RTN1: variants seen among roughly 807,000 people sequenced by gnomAD.
The protein encoded by RTN1 is reticulon 1.
Under a neutral mutation model 65.5 loss-of-function variants are expected in RTN1, and 25 were observed. That is an observed-to-expected ratio of 0.38 (90% CI 0.28 to 0.53). The LOEUF is 0.53. RTN1 is among the 20% of genes least tolerant of loss of function. The pLI is 0.79. For synonymous variants in RTN1, 471 were observed against 447.6 expected (o/e 1.05, Z -0.66); for missense variants, 983 against 1,025.4 (o/e 0.96, Z 0.57).
intron 3 of RTN1, among the ~76,000 whole-genome samples, chr14:59,687,503 A>G (rs1883872069): frequency 6.6e-6 from 1 of 151,710 alleles, no homozygotes; most frequent in South Asian, 2.1e-4. Flanking sequence ...AGCTTGAGTC[A>G]GCCCATCCTT....
At chr14:59,661,125 T>C (rs938215387) in intron 3 of RTN1, among the ~76,000 whole-genome samples, 13 of 151,270 alleles carry the variant, frequency 8.6e-5, no homozygotes, top group African/African-American at 3.2e-4. Flanking sequence ...CACAAATAAA[T>C]GAGAAAATCT....
intron 3 of RTN1, among the ~76,000 whole-genome samples, chr14:59,647,254 T>G (rs183426229): frequency 6.6e-6 from 1 of 152,296 alleles, no homozygotes; most frequent in Non-Finnish European, 1.5e-5. Flanking sequence ...AACCTAACTC[T>G]CCTAATACGT....
intron 8 of RTN1, among the ~76,000 whole-genome samples, chr14:59,599,019 T>C (rs1221053502): frequency 6.6e-6 from 1 of 152,222 alleles, no homozygotes; most frequent in African/African-American, 2.4e-5. Context: ...ATATGGAATA[T>C]AATATGACTG....
intron 1 of RTN1, among the ~76,000 whole-genome samples, chr14:59,842,105 G>A (rs1391108994): frequency 6.7e-6 from 1 of 149,996 alleles, no homozygotes; most frequent in African/African-American, 2.5e-5. Flanking sequence ...CAGCCTGGGT[G>A]AAAGAGCAAG....
At position 59,849,105 on chromosome 14, in the gene RTN1, A is replaced by ACAT. The variant is rs1887460420; in HGVS notation, c.241+21284_241+21285insATG. Among the ~76,000 whole-genome samples, 1 of 152,216 alleles carries ACAT rather than the reference A, an allele frequency of 6.6e-6. No individual in the cohort carries two copies. Among genetic ancestry groups the ACAT allele is most frequent in the African/African-American group, 2.4e-5 (1 of 41,450 alleles). On this transcript the variant is annotated intron_variant, in intron 1 of 8. Transcript: ENST00000267484. The surrounding 1 kb of genome is among the most constrained non-coding windows in gnomAD (Gnocchi z 4.5). ...GTAGTTTATGGCCTTGGTTGGAAAC[A>ACAT]ATAGAATTATGCAAATTAGTTGTCA... is the stretch of plus-strand genomic sequence containing the variant.
intron 3 of RTN1, among the ~76,000 whole-genome samples, chr14:59,675,110 C>T (rs1180723958): frequency 6.6e-6 from 1 of 151,928 alleles, no homozygotes; most frequent in East Asian, 1.9e-4. Flanking sequence ...GTGTGAAAGG[C>T]ACCATGATGG....
In RTN1 at chr14:59,746,140, T is replaced by C. The variant is rs376170120; in HGVS notation, c.583A>G (p.Lys195Glu). 206 of 1,608,964 alleles carry C rather than the reference T, an allele frequency of 1.3e-4. No individual in the cohort carries two copies. Among genetic ancestry groups the C allele is most frequent in the Non-Finnish European group, 1.7e-4 (199 of 1,178,266 alleles). Residue 195 changes from lysine (K) to glutamate (E), a missense_variant, in exon 2 of 9, where the codon AAA (lysine) becomes GAA (glutamate). Lys to Glu is a moderately conservative substitution (Grantham distance 56). This residue lies in a region of RTN1 where 818 missense variants were observed against 801.8 expected (regional missense o/e 1.02). Coordinates refer to ENST00000267484, the MANE Select transcript of RTN1 (RefSeq NM_021136.3). ...TCGGGTCTGGTTATGTCAATGTATT[T>C]ATAGGCCTCTGCTTTCATCTGGTCC... is the stretch of plus-strand genomic sequence containing the variant. Reference protein sequence around the residue: ...PLDQMKAEAYKYIDITRPEEV... With the variant: ...PLDQMKAEAYEYIDITRPEEV...
At chr14:59,769,314 T>C (rs1885909885) in intron 1 of RTN1, among the ~76,000 whole-genome samples, 1 of 152,204 alleles carries the variant, frequency 6.6e-6, no homozygotes, top group Non-Finnish European at 1.5e-5. Flanking sequence ...GAGATGCTTT[T>C]TGGTTTGGCA....
chr14:59,678,114 G>A (rs1222655238), intron 3 of RTN1, among the ~76,000 whole-genome samples: 3 of 152,180 alleles, frequency 2.0e-5, no homozygotes, highest in Non-Finnish European at 4.4e-5. Context: ...AAGGGAACAA[G>A]GGCGTCATAT....
intron 3 of RTN1, among the ~76,000 whole-genome samples, chr14:59,682,495 C>T (rs1313639901): frequency 1.3e-5 from 2 of 152,126 alleles, no homozygotes. Flanking sequence ...CAGGAACTGA[C>T]TCATGGTCAT....
chr14:59,712,258 A>G lies in RTN1; in HGVS notation c.1765+14661T>C, dbSNP rs573552643. Among the ~76,000 whole-genome samples the G allele has an allele frequency of 4.5e-4, 68 of 152,330 alleles. No homozygotes were observed. The South Asian group carries it at 0.013, about 30-fold the overall frequency. The stretch of plus-strand genomic sequence containing the variant: ...GATAACAAAAATCTATATACAGCAG[A>G]TAGAGCTAAGTGGTATCCAACCCTG... On this transcript the variant is annotated intron_variant, in intron 3 of 8. Coordinates refer to ENST00000267484, the MANE Select transcript of RTN1 (RefSeq NM_021136.3).
At chr14:59,759,997 C>T (rs532216810) in intron 1 of RTN1, among the ~76,000 whole-genome samples, 1 of 152,128 alleles carries the variant, frequency 6.6e-6, no homozygotes, top group African/African-American at 2.4e-5. Flanking sequence ...AACCAGCAAC[C>T]TTCTTACAGG....
intron 2 of RTN1, among the ~76,000 whole-genome samples, chr14:59,733,172 ACCT>A (rs1884937412): frequency 6.6e-6 from 1 of 151,074 alleles, no homozygotes; most frequent in Non-Finnish European, 1.5e-5. Flanking sequence ...GCTCACTGTA[ACCT>A]CCGCCTCCCG....
intron 3 of RTN1, among the ~76,000 whole-genome samples, chr14:59,705,888 C>G (rs972205202): frequency 6.6e-6 from 1 of 152,178 alleles, no homozygotes; most frequent in Non-Finnish European, 1.5e-5. Flanking sequence ...ACAAAGGAGG[C>G]TGAAAGGCCT....
intron 1 of RTN1, among the ~76,000 whole-genome samples, chr14:59,810,458 G>A (rs1480928671): frequency 6.6e-6 from 1 of 152,170 alleles, no homozygotes; most frequent in Non-Finnish European, 1.5e-5. Context: ...TGATTCAGGA[G>A]TCTTGTGTCT....
intron 3 of RTN1, among the ~76,000 whole-genome samples, chr14:59,674,551 T>C (rs1488312703): frequency 2.6e-5 from 4 of 152,202 alleles, no homozygotes; most frequent in Admixed American, 2.0e-4. Flanking sequence ...AAAAATGCTT[T>C]GAACTGGCTT....
chr14:59,718,980 A>G (rs1375757797), intron 3 of RTN1, among the ~76,000 whole-genome samples: 1 of 152,182 alleles, frequency 6.6e-6, no homozygotes, highest in Non-Finnish European at 1.5e-5. Flanking sequence ...TCTCCAAGCC[A>G]TTGCCATCTC....
Position 59,630,709 on chromosome 14 carries a change from C to T in RTN1, c.1766-23217G>A, listed in dbSNP as rs1367493613. Reference sequence around the variant, plus strand: ...CGGCCGGCAGCGAATCAGCGCGGCGCGGCCCCGGAGCCGCCTGCGCGCATG... The same window carrying T: ...CGGCCGGCAGCGAATCAGCGCGGCGTGGCCCCGGAGCCGCCTGCGCGCATG... On this transcript the variant is annotated intron_variant, in intron 3 of 8. Transcript: ENST00000267484. 17 of 1,139,210 alleles carry T rather than the reference C, an allele frequency of 1.5e-5. No homozygotes were observed. In the African/African-American group the frequency reaches 2.3e-4, roughly 15 times the overall value. The allele number at this position is 1,139,210 out of a possible 1,614,324, so 70.6% of individuals were successfully genotyped here. A position where few individuals can be genotyped will look rare whatever the true frequency, so the allele number is the denominator to read the frequency against.
chr14:59,701,125 T>C (rs910986421), intron 3 of RTN1, among the ~76,000 whole-genome samples: 4 of 152,184 alleles, frequency 2.6e-5, no homozygotes, highest in South Asian at 4.1e-4. Context: ...TCAACACTAT[T>C]AGTCATCATT....
Sources: gnomAD v4.1 joint callset for allele counts (sites outside exome capture counted in the v4.1 genomes callset) on GRCh38, gnomAD v4.1.1 for gene constraint, gnomAD v4.1.1 regional missense constraint, Gnocchi (gnomAD v3.1) non-coding constraint, MANE v1.5 for transcripts, NCBI Gene and HGNC (gene_info 2026-07-23, HGNC 2026-07-21) for gene names.